DNAH6: variants seen among roughly 807,000 people sequenced by gnomAD.
The protein encoded by DNAH6 is axonemal beta dynein heavy chain 6.
DNAH6 carries 340 observed loss-of-function variants against 491.4 expected under a neutral mutation model. The observed-to-expected ratio is 0.69, with a 90% CI of 0.63 to 0.76. The LOEUF (loss-of-function observed/expected upper bound fraction) is 0.76, where lower values mean the gene tolerates loss of function less well. DNAH6 is among the 30% of genes least tolerant of loss of function. The pLI is 0.00. For missense variants in DNAH6, 4,443 were observed against 4,972.2 expected (o/e 0.89, Z 3.20); for synonymous variants, 1,603 against 1,686.1 (o/e 0.95, Z 1.21).
intron 1 of DNAH6, among the ~76,000 whole-genome samples, chr2:84,516,799 A>G (rs1224490206): frequency 1.3e-5 from 2 of 152,200 alleles, no homozygotes; most frequent in African/African-American, 2.4e-5. Flanking sequence ...TGAGTGGTCA[A>G]ATCTGGACCT....
At chr2:84,469,574 C>A in the DNAH6 span, among the ~76,000 whole-genome samples, 1 of 152,106 alleles carries the variant, frequency 6.6e-6, no homozygotes, top group African/African-American at 2.4e-5. This position sits in a 1 kb window ranked among gnomAD's most constrained non-coding sequence, Gnocchi z 4.0. Context: ...CCTGTGGCAG[C>A]GTGGGGAAGG....
chr2:84,590,064 AT>A, intron 16 of DNAH6, among the ~76,000 whole-genome samples: 1 of 152,268 alleles, frequency 6.6e-6, no homozygotes, highest in African/African-American at 2.4e-5. Context: ...AATGAATTTG[AT>A]ACCAGCCAAT....
At chr2:84,669,934 A>G (rs371620024) in intron 38 of DNAH6, among the ~76,000 whole-genome samples, 1 of 152,144 alleles carries the variant, frequency 6.6e-6, no homozygotes, top group African/African-American at 2.4e-5. Flanking sequence ...GTTTTTTGTT[A>G]AAGTAGAATG....
At chr2:84,558,378 C>T (rs992551936) in intron 11 of DNAH6, among the ~76,000 whole-genome samples, 3 of 149,940 alleles carry the variant, frequency 2.0e-5, no homozygotes, top group African/African-American at 4.9e-5. Context: ...GAGCCGAGAT[C>T]GCGCCACTGC....
intron 40 of DNAH6, among the ~76,000 whole-genome samples, chr2:84,676,628 T>TA (rs1333620099): frequency 6.6e-6 from 1 of 152,226 alleles, no homozygotes; most frequent in Non-Finnish European, 1.5e-5. Context: ...CAGTAACCAC[T>TA]AATCCAGTGC....
intron 58 of DNAH6, 67 bp downstream of exon 58, chr2:84,715,694 A>G: frequency 7.0e-7 from 1 of 1,425,134 alleles, no homozygotes; most frequent in Non-Finnish European, 9.7e-7. Flanking sequence ...TTTGTTTAGA[A>G]ATATTGACAA....
Position 84,594,283 on chromosome 2 carries a change from G to GA in DNAH6, c.2724+198_2724+199insA, listed in dbSNP as rs11271805. Among the ~76,000 whole-genome samples, 146,466 of 151,872 alleles carry GA rather than the reference G, an allele frequency of 0.96. 70,675 individuals carry two copies. Among genetic ancestry groups the GA allele is most frequent in the East Asian group, 1 (5,173 of 5,188 alleles). The stretch of plus-strand genomic sequence containing the variant: ...GGTCCTTATGTCACTGTATGCTACA[G>GA]GCTCCATATTAGAAGGCTACATAGT... On this transcript the variant is annotated intron_variant, in intron 17 of 76. Coordinates refer to ENST00000389394, the MANE Select transcript of DNAH6 (RefSeq NM_001370.2).
chr2:84,794,736 T>G (rs1215287294), intron 68 of DNAH6, among the ~76,000 whole-genome samples: 1 of 132,276 alleles, frequency 7.6e-6, no homozygotes, highest in Non-Finnish European at 1.6e-5. Context: ...GGTGGGACTG[T>G]AAACTAGTTC....
At chr2:84,615,991 G>A (rs1055486139) in intron 22 of DNAH6, among the ~76,000 whole-genome samples, 2 of 151,848 alleles carry the variant, frequency 1.3e-5, no homozygotes, top group Non-Finnish European at 2.9e-5. Flanking sequence ...TATTTGTATG[G>A]TTTTGAGGAT....
intron 18 of DNAH6, among the ~76,000 whole-genome samples, chr2:84,598,415 T>C (rs573624580): frequency 6.6e-6 from 1 of 152,290 alleles, no homozygotes; most frequent in Admixed American, 6.5e-5. Context: ...ATATCTGAGT[T>C]CTGTCTCATT....
chr2:84,748,298 C>CT (rs1673158755), intron 63 of DNAH6, among the ~76,000 whole-genome samples: 1 of 152,184 alleles, frequency 6.6e-6, no homozygotes, highest in Non-Finnish European at 1.5e-5. Flanking sequence ...TAAGTCGCAA[C>CT]TTTAAGTCAT....
chr2:84,513,904 T>C (rs1020911332), upstream of DNAH6, among the ~76,000 whole-genome samples: 1 of 152,216 alleles, frequency 6.6e-6, no homozygotes, highest in African/African-American at 2.4e-5. Context: ...GGTAGAAATA[T>C]GCTGGTTTTC....
chr2:84,705,414 C>T, intron 51 of DNAH6, 72 bp from the exon 52 acceptor site: 1 of 1,314,344 alleles, frequency 7.6e-7, no homozygotes, highest in Admixed American at 2.8e-5. Context: ...ATAATGTTCT[C>T]AAAGAAATAC....
chr2:84,534,806 A>G (rs1273627993), intron 4 of DNAH6, among the ~76,000 whole-genome samples: 1 of 152,026 alleles, frequency 6.6e-6, no homozygotes, highest in Non-Finnish European at 1.5e-5. Context: ...TTCAAAGCTT[A>G]ATTTTCAAAT....
intron 4 of DNAH6, among the ~76,000 whole-genome samples, chr2:84,537,724 G>A (rs1460701): frequency 0.96 from 146,728 of 152,138 alleles, 70,802 homozygotes; most frequent in East Asian, 1. Flanking sequence ...ATATTAAAAA[G>A]TTCTCTCCCT....
chr2:84,596,503 G>GT (rs1268475626), intron 18 of DNAH6, among the ~76,000 whole-genome samples: 3 of 151,784 alleles, frequency 2.0e-5, no homozygotes, highest in Non-Finnish European at 2.9e-5. Context: ...AATTTTTTGT[G>GT]TTTTTTCAGT....
At chr2:84,626,556 CTG>C (rs1027340911) in intron 29 of DNAH6, among the ~76,000 whole-genome samples, 6 of 152,096 alleles carry the variant, frequency 3.9e-5, no homozygotes, top group African/African-American at 1.4e-4. Flanking sequence ...GGTTAGTGGA[CTG>C]TGTTTTCTTT....
intron 68 of DNAH6, among the ~76,000 whole-genome samples, chr2:84,794,878 CG>C (rs1386624410): frequency 6.7e-6 from 1 of 149,970 alleles, no homozygotes; most frequent in South Asian, 2.2e-4. Flanking sequence ...CACATGCACA[CG>C]TATGTTTATT....
chr2:84,808,100 T>C, intron 71 of DNAH6, among the ~76,000 whole-genome samples: 1 of 151,172 alleles, frequency 6.6e-6, no homozygotes, highest in East Asian at 1.9e-4. Context: ...AATGCAATGG[T>C]TTAATGTTTG....
Sources: gnomAD v4.1 joint callset for allele counts (sites outside exome capture counted in the v4.1 genomes callset) on GRCh38, gnomAD v4.1.1 for gene constraint, Gnocchi (gnomAD v3.1) non-coding constraint, MANE v1.5 for transcripts, NCBI Gene and HGNC (gene_info 2026-07-23, HGNC 2026-07-21) for gene names.